TMEM242: variants seen among roughly 807,000 people sequenced by gnomAD.
The protein encoded by TMEM242 is UPF0463 transmembrane protein C6orf35.
In TMEM242, 10 loss-of-function variants were observed where a neutral mutation model predicts 18.2. The ratio of observed to expected loss-of-function variants is 0.55; its 90% CI spans 0.34 to 0.93. The LOEUF (loss-of-function observed/expected upper bound fraction) is 0.93, where lower values mean the gene tolerates loss of function less well. Among genes scored for constraint, TMEM242 ranks in the 40% least tolerant of loss-of-function variants. The probability of loss-of-function intolerance (pLI) is 0.02; values close to 1 mark genes in which losing one functional copy is unlikely to be tolerated. For synonymous variants in TMEM242, 57 were observed against 69.9 expected (o/e 0.81, Z 0.92); for missense variants, 186 against 175.5 (o/e 1.06, Z -0.34).
chr6:157,304,479 AAAAAAAAAAAAAG>A lies in TMEM242; in HGVS notation c.328-11493_328-11481del, dbSNP rs1157841514. Among the ~76,000 whole-genome samples the A allele has an allele frequency of 6.1e-3, 764 of 125,982 alleles. 9 individuals carry two copies. The highest frequency in any genetic ancestry group is 0.022 in the African/African-American group (724 of 33,090). The allele number at this position is 125,982 out of a possible 152,430, so 82.6% of individuals were successfully genotyped here. A position where few individuals can be genotyped will look rare whatever the true frequency, so the allele number is the denominator to read the frequency against. On this transcript the variant is annotated intron_variant, in intron 3 of 3. Transcript: ENST00000400788. ...GACTCTGTCAAAAAAAAAAAAAAAA[AAAAAAAAAAAAAG>A]AGAGAGAGAGAGAGTGCCACTGAAA...
intron 2 of TMEM242, among the ~76,000 whole-genome samples, chr6:157,320,005 T>G (rs782490433): frequency 1.9e-4 from 29 of 152,166 alleles, no homozygotes; most frequent in Non-Finnish European, 4.1e-4. Context: ...ATATTAGATA[T>G]TATCAATGTT....
chr6:157,309,715 A>G (rs1272796774), intron 3 of TMEM242, among the ~76,000 whole-genome samples: 4 of 152,102 alleles, frequency 2.6e-5, no homozygotes, highest in Non-Finnish European at 5.9e-5. Context: ...CCCATGGCAA[A>G]GGGGTAAAAA....
chr6:157,318,940 T>C (rs782435130), intron 2 of TMEM242, 21 bp from the exon 3 acceptor site: 1 of 1,585,942 alleles, frequency 6.3e-7, no homozygotes, highest in South Asian at 1.2e-5. Flanking sequence ...ACAGAAAAGT[T>C]GAGGTAAAAA....
At chr6:157,299,073 CAA>C (rs1463702882) in intron 3 of TMEM242, 5 of 287,966 alleles carry the variant, frequency 1.7e-5, no homozygotes, top group African/African-American at 3.0e-5. Context: ...CTGAATTTCT[CAA>C]AGTGTTTTTG....
At chr6:157,315,861 A>G (rs1189939616) in intron 3 of TMEM242, among the ~76,000 whole-genome samples, 1 of 152,188 alleles carries the variant, frequency 6.6e-6, no homozygotes, top group Non-Finnish European at 1.5e-5. Flanking sequence ...TGATTAAATG[A>G]TATACCACTG....
Position 157,292,569 on chromosome 6 carries a change from TATC to T in TMEM242, c.*329_*331del, listed in dbSNP as rs1192812832. 6 of 195,518 alleles carry T rather than the reference TATC, an allele frequency of 3.1e-5. No homozygotes were observed. The highest frequency in any genetic ancestry group is 4.6e-5 in the African/African-American group (2 of 43,204). The allele number at this position is 195,518 out of a possible 1,614,324, so 12.1% of individuals were successfully genotyped here. A position where few individuals can be genotyped will look rare whatever the true frequency, so the allele number is the denominator to read the frequency against. On this transcript the variant is annotated 3_prime_UTR_variant, in exon 4 of 4. Transcript: ENST00000400788. Reference sequence around the variant, plus strand: ...GGGGTCTGTTTTATAAATATTTTCTTATCATACTTTTATTATAAACTTTTTTAG... The same window carrying T: ...GGGGTCTGTTTTATAAATATTTTCTTATACTTTTATTATAAACTTTTTTAG...
intron 3 of TMEM242, among the ~76,000 whole-genome samples, chr6:157,316,275 C>T (rs1190102392): frequency 6.6e-6 from 1 of 152,160 alleles, no homozygotes; most frequent in Non-Finnish European, 1.5e-5. Flanking sequence ...TAAATCTTGA[C>T]ACTGCCAATC....
At chr6:157,294,206 A>C (rs1554247051) in intron 3 of TMEM242, among the ~76,000 whole-genome samples, 1 of 152,136 alleles carries the variant, frequency 6.6e-6, no homozygotes. Flanking sequence ...TCCTCCTACG[A>C]AGACATTTCA....
chr6:157,294,057 A>C (rs1777718096), intron 3 of TMEM242, among the ~76,000 whole-genome samples: 1 of 152,100 alleles, frequency 6.6e-6, no homozygotes, highest in African/African-American at 2.4e-5. Flanking sequence ...ACAGTATTAC[A>C]GTTTACCTGG....
intron 3 of TMEM242, among the ~76,000 whole-genome samples, chr6:157,298,552 C>A (rs372879085): frequency 6.6e-6 from 1 of 152,146 alleles, no homozygotes; most frequent in Non-Finnish European, 1.5e-5. Context: ...GTCTTTTTAA[C>A]GACCCAGCTG....
Position 157,321,765 on chromosome 6 carries a change from C to T in TMEM242, c.189+940G>A, listed in dbSNP as rs370310820. 2.2e-3 allele frequency among the ~76,000 whole-genome samples: 329 copies of T among 150,254 alleles called. 2 individuals are homozygous for T. The highest frequency in any genetic ancestry group is 7.6e-3 in the African/African-American group (311 of 40,932). ...GTTTTCATCAGATTATTAAAAAGAT[C>T]AGTGAGCCAAGGATTAACATAACTT... is the stretch of plus-strand genomic sequence containing the variant. On this transcript the variant is annotated intron_variant, in intron 2 of 3. Transcript: ENST00000400788.
intron 3 of TMEM242, among the ~76,000 whole-genome samples, chr6:157,312,692 G>A (rs200234063): frequency 8.0e-6 from 1 of 124,846 alleles, no homozygotes; most frequent in African/African-American, 3.1e-5. Flanking sequence ...CCTCATCATA[G>A]TGTCCCAGTG....
chr6:157,321,993 T>C (rs1411893638), intron 2 of TMEM242, among the ~76,000 whole-genome samples: 2 of 152,254 alleles, frequency 1.3e-5, no homozygotes, highest in African/African-American at 4.8e-5. Context: ...CTTGCCATTA[T>C]GGTATCGATA....
chr6:157,304,903 G>A (rs1777889013), intron 3 of TMEM242, among the ~76,000 whole-genome samples: 1 of 152,174 alleles, frequency 6.6e-6, no homozygotes. Flanking sequence ...AAGGCCCTAG[G>A]CAGGAACAGC....
At chr6:157,309,122 T>G (rs150103385) in intron 3 of TMEM242, among the ~76,000 whole-genome samples, 4 of 152,158 alleles carry the variant, frequency 2.6e-5, no homozygotes, top group Non-Finnish European at 5.9e-5. Flanking sequence ...TGTGACTGTT[T>G]AGTGAAAAAA....
intron 3 of TMEM242, among the ~76,000 whole-genome samples, chr6:157,310,855 C>T (rs1554248481): frequency 7.3e-6 from 1 of 136,804 alleles, no homozygotes; most frequent in Admixed American, 7.4e-5. Flanking sequence ...AGTGTGCACT[C>T]ACCTAGCCTC....
chr6:157,310,488 C>T (rs1554248305), intron 3 of TMEM242, among the ~76,000 whole-genome samples: 3 of 150,814 alleles, frequency 2.0e-5, no homozygotes, highest in Non-Finnish European at 3.0e-5. Flanking sequence ...GCTCACCTAG[C>T]CTCATCATAG....
At chr6:157,297,952 T>C (rs1777772908) in intron 3 of TMEM242, among the ~76,000 whole-genome samples, 2 of 152,228 alleles carry the variant, frequency 1.3e-5, no homozygotes, top group Admixed American at 1.3e-4. Context: ...CTGTATCACA[T>C]GCATAAAGTC....
intron 3 of TMEM242, among the ~76,000 whole-genome samples, chr6:157,296,451 C>T (rs1450351259): frequency 6.6e-6 from 1 of 152,170 alleles, no homozygotes; most frequent in African/African-American, 2.4e-5. Flanking sequence ...CTTTGGGAGG[C>T]CTAGACAGTT....
Sources: gnomAD v4.1 joint callset for allele counts (sites outside exome capture counted in the v4.1 genomes callset) on GRCh38, gnomAD v4.1.1 for gene constraint, MANE v1.5 for transcripts, NCBI Gene and HGNC (gene_info 2026-07-23, HGNC 2026-07-21) for gene names.